GRID1: variants seen among roughly 807,000 people sequenced by gnomAD.
GRID1 encodes glutamate ionotropic receptor delta type subunit 1.
In GRID1, 28 loss-of-function variants were observed where a neutral mutation model predicts 98.0. That is an observed-to-expected ratio of 0.29 (90% CI 0.21 to 0.39). GRID1 has a LOEUF of 0.39. GRID1 is among the 10% of genes least tolerant of loss of function. GRID1 has a pLI of 1.00. For missense variants in GRID1, 1,111 were observed against 1,340.5 expected, an observed-to-expected ratio of 0.83 and a Z score of 2.67; for synonymous variants, 553 against 538.5, an observed-to-expected ratio of 1.03 and a Z score of -0.37.
chr10:85,852,224 A>G (rs1843065597), intron 8 of GRID1, among the ~76,000 whole-genome samples: 1 of 152,240 alleles, frequency 6.6e-6, no homozygotes, highest in Non-Finnish European at 1.5e-5. Context: ...TTAAAATGAC[A>G]AAAAGATACA....
chr10:85,997,905 A>T (rs1331275653), intron 4 of GRID1, among the ~76,000 whole-genome samples: 1 of 152,212 alleles, frequency 6.6e-6, no homozygotes, highest in Admixed American at 6.5e-5. Flanking sequence ...AATCAAATAA[A>T]AGCCAGAGTA....
At chr10:86,191,114 C>T (rs1845797259) in intron 3 of GRID1, among the ~76,000 whole-genome samples, 1 of 152,112 alleles carries the variant, frequency 6.6e-6, no homozygotes, top group African/African-American at 2.4e-5. Flanking sequence ...ATGCCACAGA[C>T]TCAAAGTCAG....
At chr10:85,685,024 G>A (rs1024275104) in intron 12 of GRID1, among the ~76,000 whole-genome samples, 2 of 152,128 alleles carry the variant, frequency 1.3e-5, no homozygotes, top group African/African-American at 4.8e-5. Context: ...ATGAGTTTTG[G>A]GGAGAGATGT....
At chr10:85,706,879 T>C (rs1220352682) in intron 12 of GRID1, among the ~76,000 whole-genome samples, 2 of 152,216 alleles carry the variant, frequency 1.3e-5, no homozygotes, top group Non-Finnish European at 2.9e-5. Flanking sequence ...CCCTATTTAA[T>C]AAATGGTGCT....
chr10:85,978,702 A>G (rs1842505809), intron 4 of GRID1, among the ~76,000 whole-genome samples: 1 of 152,156 alleles, frequency 6.6e-6, no homozygotes, highest in Non-Finnish European at 1.5e-5. Flanking sequence ...CCCTGCCTGC[A>G]TGAGCTCTTA....
rs529928957 is a variant in GRID1 at position 85,737,601 on chromosome 10, G to A, written c.1234-7987C>T. On this transcript the variant is annotated intron_variant, in intron 8 of 15. Transcript: ENST00000327946. ...CAGTTCCACTTCTGCTTAAGATATA[G>A]AAAGGAGCGAGAGGATTTTTGAACA... 5.6e-3 allele frequency among the ~76,000 whole-genome samples: 800 copies of A among 143,384 alleles called. 7 individuals carry two copies. The highest frequency in any genetic ancestry group is 0.019 in the African/African-American group (746 of 38,738). The allele number at this position is 143,384 out of a possible 152,430, so 94.1% of individuals were successfully genotyped here.
At chr10:85,729,644 A>C (rs376266713) in intron 8 of GRID1, 30 bp from the exon 9 acceptor site, 174 of 1,424,308 alleles carry the variant, frequency 1.2e-4, no homozygotes, top group Non-Finnish European at 2.2e-5. Context: ...ATTGTGAGGG[A>C]TGGAACTGGC....
At chr10:86,174,168 G>A (rs1247165263) in intron 3 of GRID1, among the ~76,000 whole-genome samples, 1 of 152,160 alleles carries the variant, frequency 6.6e-6, no homozygotes, top group Non-Finnish European at 1.5e-5. Flanking sequence ...TTTCAAAAAA[G>A]AGCCTGCATC....
At chr10:86,353,439 C>G (rs1401920454) in intron 2 of GRID1, among the ~76,000 whole-genome samples, 1 of 152,218 alleles carries the variant, frequency 6.6e-6, no homozygotes, top group African/African-American at 2.4e-5. Flanking sequence ...TACACATCTG[C>G]TCAGCACTGC....
intron 4 of GRID1, among the ~76,000 whole-genome samples, chr10:86,047,389 G>C (rs1362571231): frequency 6.6e-6 from 1 of 152,240 alleles, no homozygotes; most frequent in Admixed American, 6.5e-5. Context: ...GATTAATAGA[G>C]TTGGCTTTTT....
At chr10:85,907,711 C>T (rs371384729) in intron 5 of GRID1, among the ~76,000 whole-genome samples, 1 of 151,596 alleles carries the variant, frequency 6.6e-6, no homozygotes, top group African/African-American at 2.4e-5. Context: ...TAAAGACAGA[C>T]ATCAAAAGAA....
At chr10:85,824,414 G>A (rs552200118) in intron 8 of GRID1, among the ~76,000 whole-genome samples, 1 of 152,300 alleles carries the variant, frequency 6.6e-6, no homozygotes, top group South Asian at 2.1e-4. Flanking sequence ...GCTTCACCAT[G>A]TTGGCCAGGC....
intron 3 of GRID1, among the ~76,000 whole-genome samples, chr10:86,145,504 C>G (rs1051104502): frequency 6.6e-6 from 1 of 151,716 alleles, no homozygotes; most frequent in Non-Finnish European, 1.5e-5. Flanking sequence ...ACCTTGGGAT[C>G]CAGAAAAAGA....
rs542105950 is a variant in GRID1, at chr10:86,019,407, C to T, written c.727-103168G>A. On this transcript the variant is annotated intron_variant, in intron 4 of 15. Transcript: ENST00000327946. ...TGCTCTCATCAGGATGTCCATAGTG[C>T]CCCCATCAGGGAGAGGGCTCCTGGG... Among the ~76,000 whole-genome samples the T allele has an allele frequency of 5.9e-5, 9 of 152,354 alleles. No individual in the cohort carries two copies. In the East Asian group the frequency reaches 1.2e-3, roughly 20 times the overall value.
intron 5 of GRID1, among the ~76,000 whole-genome samples, chr10:85,882,741 G>A (rs1247609483): frequency 1.3e-5 from 2 of 152,122 alleles, no homozygotes; most frequent in African/African-American, 4.8e-5. Flanking sequence ...CGTGCACATT[G>A]TGCACATGTA....
chr10:86,364,960 C>T (rs537410356), intron 1 of GRID1, among the ~76,000 whole-genome samples: 3 of 152,328 alleles, frequency 2.0e-5, no homozygotes, highest in Non-Finnish European at 4.4e-5. Context: ...CCAGCCCGAG[C>T]CTAGTCCTGC....
At chr10:86,197,859 C>G (rs940302558) in intron 3 of GRID1, among the ~76,000 whole-genome samples, 1 of 152,022 alleles carries the variant, frequency 6.6e-6, no homozygotes, top group Non-Finnish European at 1.5e-5. Flanking sequence ...GTAATTAGAT[C>G]GAAGAACAAA....
intron 2 of GRID1, among the ~76,000 whole-genome samples, chr10:86,224,312 G>C (rs1211438794): frequency 1.3e-5 from 2 of 152,214 alleles, no homozygotes; most frequent in African/African-American, 2.4e-5. Context: ...TTACCAGAGA[G>C]GGGTAAGCCT....
At chr10:86,165,396 C>G (rs544440312) in intron 3 of GRID1, among the ~76,000 whole-genome samples, 4 of 152,304 alleles carry the variant, frequency 2.6e-5, no homozygotes. Context: ...CAGGCCCAGT[C>G]TAGACCAAGG....
Sources: gnomAD v4.1 joint callset for allele counts (sites outside exome capture counted in the v4.1 genomes callset) on GRCh38, gnomAD v4.1.1 for gene constraint, MANE v1.5 for transcripts, NCBI Gene and HGNC (gene_info 2026-07-23, HGNC 2026-07-21) for gene names.